Variants in CABIN1 observed in about 807,000 individuals in gnomAD.
CABIN1 encodes the protein calcineurin binding protein 1, also known as calcineurin-binding protein cabin-1.
In CABIN1, 133 loss-of-function variants were observed where a neutral mutation model predicts 227.7. The observed-to-expected ratio is 0.58, with a 90% CI of 0.51 to 0.67. The LOEUF is 0.67. CABIN1 is among the 30% of genes least tolerant of loss of function. CABIN1 has a pLI of 0.00. For synonymous variants in CABIN1, 1,086 were observed against 1,155.1 expected, an observed-to-expected ratio of 0.94 and a Z score of 1.21; for missense variants, 2,408 against 2,852.5, an observed-to-expected ratio of 0.84 and a Z score of 3.55.
At chr22:24,165,338 G>A (rs1202659892) in intron 30 of CABIN1, among the ~76,000 whole-genome samples, 192 bp from the exon 31 acceptor site, 4 of 152,224 alleles carry the variant, frequency 2.6e-5, no homozygotes, top group African/African-American at 7.2e-5. Context: ...CCGGGTCAGA[G>A]GCCTACTGGC....
At chr22:24,017,764 T>C (rs1307284055) in intron 1 of CABIN1, among the ~76,000 whole-genome samples, 1 of 152,204 alleles carries the variant, frequency 6.6e-6, no homozygotes, top group Non-Finnish European at 1.5e-5. Context: ...CATTCATCTG[T>C]CATGAACAGT....
At chr22:24,088,348 G>A (rs893677378) in intron 23 of CABIN1, among the ~76,000 whole-genome samples, 1 of 152,188 alleles carries the variant, frequency 6.6e-6, no homozygotes, top group African/African-American at 2.4e-5. Flanking sequence ...GGTGGCTCAC[G>A]CCTGTAATCC....
chr22:24,044,164 A>G (rs777344814), intron 6 of CABIN1, among the ~76,000 whole-genome samples: 1 of 152,216 alleles, frequency 6.6e-6, no homozygotes, highest in African/African-American at 2.4e-5. Context: ...ATCCTGGCCT[A>G]TGCAAACTGG....
chr22:24,074,786 A>G (rs911743469), intron 18 of CABIN1, among the ~76,000 whole-genome samples: 8 of 152,230 alleles, frequency 5.3e-5, no homozygotes, highest in South Asian at 4.1e-4. Flanking sequence ...CAAAAAGGAA[A>G]ATCGTAGAAC....
Position 24,134,289 on chromosome 22 carries a change from CTT to C in CABIN1, c.4633-12_4633-11del. On this transcript the variant is annotated splice_polypyrimidine_tract_variant and intron_variant, in intron 28 of 36. Coordinates refer to ENST00000263119, the MANE Select transcript of CABIN1 (RefSeq NM_012295.4). The stretch of plus-strand genomic sequence containing the variant: ...CCACACACTCACTTTCAACCTACTT[CTT>C]GTTTCCCCAGAACCTCCAGTGGGCC... 1 of 1,609,810 alleles carries C rather than the reference CTT, an allele frequency of 6.2e-7. No homozygotes were observed.
Position 24,134,329 on chromosome 22 carries a change from C to G in CABIN1, c.4660C>G (p.Leu1554Val), listed in dbSNP as rs2044261070. The G allele has an allele frequency of 6.2e-7, 1 of 1,614,108 alleles. No individual in the cohort carries two copies. The highest frequency in any genetic ancestry group is 8.5e-7 in the Non-Finnish European group (1 of 1,179,956). Reference protein sequence around the residue: ...RNLQWARDVLLGSSIPWQQLQ... With the variant: ...RNLQWARDVLVGSSIPWQQLQ... ...CCTCCAGTGGGCCCGCGACGTGTTG[C>G]TAGGCAGCAGTATCCCGTGGCAACA... The change falls in exon 29 of 37, where the codon CTA becomes GTA. Residue 1554 changes from leucine (L) to valine (V), a missense_variant. Leu to Val is a conservative substitution (Grantham distance 32). Around this residue, in one of 3 missense-constraint regions of CABIN1, gnomAD observed 649 missense variants for 910.3 expected, o/e 0.71. Coordinates refer to ENST00000263119, the MANE Select transcript of CABIN1 (RefSeq NM_012295.4).
intron 29 of CABIN1, among the ~76,000 whole-genome samples, chr22:24,156,857 A>T (rs556873210): frequency 6.6e-6 from 1 of 151,090 alleles, no homozygotes; most frequent in South Asian, 2.1e-4. Context: ...TTTTCCCGGG[A>T]GGGGGAAGGG....
At chr22:24,135,324 A>G (rs901882969) in intron 29 of CABIN1, among the ~76,000 whole-genome samples, 4 of 151,824 alleles carry the variant, frequency 2.6e-5, no homozygotes, top group African/African-American at 9.7e-5. Context: ...CAGGAGGTGG[A>G]GGTTGCAGTG....
chr22:24,034,486 A>C (rs561385494), intron 1 of CABIN1, among the ~76,000 whole-genome samples: 1 of 152,104 alleles, frequency 6.6e-6, no homozygotes, highest in Non-Finnish European at 1.5e-5. Context: ...GACATACTTC[A>C]TTTTATTTAT....
At chr22:24,076,101 C>G in intron 18 of CABIN1, 68 bp from the exon 19 acceptor site, 1 of 1,103,020 alleles carries the variant, frequency 9.1e-7, no homozygotes, top group Non-Finnish European at 1.4e-6. Flanking sequence ...GAGACTGAGC[C>G]TCGCAGCCCC....
rs1276879548 is a variant in CABIN1, at chr22:24,067,302, A to G, written c.2232+121A>G. The G allele has an allele frequency of 4.0e-6, 4 of 1,008,384 alleles. No homozygotes were observed. The African/African-American group carries it at 4.8e-5, about 12-fold the overall frequency. The allele number at this position is 1,008,384 out of a possible 1,614,324, so 62.5% of individuals were successfully genotyped here. On this transcript the variant is annotated intron_variant, in intron 16 of 36. Transcript: ENST00000263119. Reference sequence around the variant, plus strand: ...GTATAGCTAGAAGAGAGTGGATGTCAAAACCACTAAGCCCCCAGGAAGATG... The same window carrying G: ...GTATAGCTAGAAGAGAGTGGATGTCGAAACCACTAAGCCCCCAGGAAGATG...
intron 29 of CABIN1, among the ~76,000 whole-genome samples, chr22:24,149,539 A>G (rs1193967704): frequency 6.6e-6 from 1 of 152,230 alleles, no homozygotes; most frequent in East Asian, 1.9e-4. Flanking sequence ...CCAATTGAGA[A>G]GGCCACATGA....
At chr22:24,099,249 G>T (rs1172834039) in intron 26 of CABIN1, among the ~76,000 whole-genome samples, 1 of 152,184 alleles carries the variant, frequency 6.6e-6, no homozygotes, top group Non-Finnish European at 1.5e-5. Flanking sequence ...AGTGGGTAGG[G>T]CTTGAGAGCA....
At position 24,085,857 on chromosome 22, in the gene CABIN1, C is replaced by T. The variant is rs912006384; in HGVS notation, c.3263+706C>T. Among the ~76,000 whole-genome samples, 3 of 152,164 alleles carry T rather than the reference C, an allele frequency of 2.0e-5. 1 individual carries two copies. Among genetic ancestry groups the T allele is most frequent in the Non-Finnish European group, 4.4e-5 (3 of 68,028 alleles). On this transcript the variant is annotated intron_variant, in intron 22 of 36. Transcript: ENST00000263119. The stretch of plus-strand genomic sequence containing the variant: ...AAAGGAGGCTACCCTCTGTGGCAGA[C>T]CTGCATCTAAAGGGTTCAGAGTAGC...
intron 1 of CABIN1, among the ~76,000 whole-genome samples, chr22:24,015,695 G>A (rs896000801): frequency 4.0e-5 from 6 of 151,858 alleles, no homozygotes; most frequent in Non-Finnish European, 8.8e-5. Context: ...GGTGGCTCAC[G>A]CCTGTAATCC....
chr22:24,023,796 C>T (rs542669124), intron 1 of CABIN1, among the ~76,000 whole-genome samples: 23 of 150,170 alleles, frequency 1.5e-4, no homozygotes. Context: ...TGCAGTGGTG[C>T]GATTTTGGCT....
chr22:24,072,959 A>T (rs542595329), intron 18 of CABIN1, among the ~76,000 whole-genome samples: 4 of 152,284 alleles, frequency 2.6e-5, no homozygotes, highest in Admixed American at 2.6e-4. Context: ...TTCAGCCTCT[A>T]TTTCCCCATA....
chr22:24,085,443 A>G (rs1353109205), intron 22 of CABIN1, among the ~76,000 whole-genome samples: 1 of 152,226 alleles, frequency 6.6e-6, no homozygotes, highest in Non-Finnish European at 1.5e-5. Flanking sequence ...GTGCAGGGCA[A>G]GGAGGCGCAA....
chr22:24,177,713 T>G lies in CABIN1; in HGVS notation c.6415T>G (p.Ser2139Ala). 1 of 1,612,818 alleles carries G rather than the reference T, an allele frequency of 6.2e-7. No individual in the cohort carries two copies. Among genetic ancestry groups the G allele is most frequent in the Non-Finnish European group, 8.5e-7 (1 of 1,179,226 alleles). ...LPNMPKLVIP[S>A]AATKFPPEIT... Reference sequence around the variant, plus strand: ...CAACATGCCAAAGCTGGTCATCCCCTCCGCCGCCACCAAGTTCCCCCCTGA... The same window carrying G: ...CAACATGCCAAAGCTGGTCATCCCCGCCGCCGCCACCAAGTTCCCCCCTGA... Residue 2139 changes from serine to alanine, a missense_variant, in exon 36 of 37, where the codon TCC (serine) becomes GCC (alanine). Around this residue, in one of 3 missense-constraint regions of CABIN1, gnomAD observed 714 missense variants for 773.8 expected, o/e 0.92. Transcript: ENST00000263119. The surrounding 1 kb of genome is among the most constrained non-coding windows in gnomAD (Gnocchi z 4.4).
Sources: gnomAD v4.1 joint callset for allele counts (sites outside exome capture counted in the v4.1 genomes callset) on GRCh38, gnomAD v4.1.1 for gene constraint, gnomAD v4.1.1 regional missense constraint, Gnocchi (gnomAD v3.1) non-coding constraint, MANE v1.5 for transcripts, NCBI Gene and HGNC (gene_info 2026-07-23, HGNC 2026-07-21) for gene names.